Variants in PEBP4 observed in about 807,000 individuals in gnomAD.
PEBP4 encodes the protein phosphatidylethanolamine binding protein 4, also known as phosphatidylethanolamine-binding protein 4.
A neutral mutation model predicts 23.9 loss-of-function variants in PEBP4; 22 were observed. The ratio of observed to expected loss-of-function variants is 0.92; its 90% CI spans 0.66 to 1.31. PEBP4 has a LOEUF of 1.31. Among genes scored for constraint, PEBP4 ranks in the 40% most tolerant of loss-of-function variants. The pLI is 0.00. For synonymous variants in PEBP4, 112 were observed against 99.3 expected (o/e 1.13, Z -0.76); for missense variants, 324 against 281.7 (o/e 1.15, Z -1.07).
intron 3 of PEBP4, among the ~76,000 whole-genome samples, chr8:22,860,031 C>G (rs1316776823): frequency 6.7e-6 from 1 of 149,436 alleles, no homozygotes; most frequent in African/African-American, 2.5e-5. Flanking sequence ...GTGAGAGGAC[C>G]TCTTGAGCCC....
At chr8:22,726,673 C>G (rs911096457) in intron 5 of PEBP4, among the ~76,000 whole-genome samples, 2 of 152,258 alleles carry the variant, frequency 1.3e-5, no homozygotes, top group African/African-American at 4.8e-5. Flanking sequence ...TAAAGCCAGG[C>G]CAACAGTGAG....
chr8:22,834,392 C>T (rs1368531315), intron 3 of PEBP4, among the ~76,000 whole-genome samples: 1 of 151,804 alleles, frequency 6.6e-6, no homozygotes, highest in Non-Finnish European at 1.5e-5. Flanking sequence ...GAATTTCAGG[C>T]TGGTGTCCAG....
chr8:22,873,347 G>A (rs564051618), intron 3 of PEBP4, among the ~76,000 whole-genome samples: 1 of 152,274 alleles, frequency 6.6e-6, no homozygotes, highest in Admixed American at 6.5e-5. Context: ...TAACCATGCT[G>A]GCCAGGCACA....
At chr8:22,873,214 G>A (rs1056918753) in intron 3 of PEBP4, among the ~76,000 whole-genome samples, 8 of 152,142 alleles carry the variant, frequency 5.3e-5, no homozygotes, top group South Asian at 2.1e-4. Flanking sequence ...TAGAGTCTTA[G>A]TTATATATTT....
intron 3 of PEBP4, among the ~76,000 whole-genome samples, chr8:22,882,458 G>A (rs1397603017): frequency 6.6e-6 from 1 of 152,186 alleles, no homozygotes; most frequent in Non-Finnish European, 1.5e-5. Flanking sequence ...GGGTGGTGTG[G>A]AGAATGTACC....
intron 3 of PEBP4, among the ~76,000 whole-genome samples, chr8:22,861,282 C>T (rs374706217): frequency 6.6e-6 from 1 of 152,310 alleles, no homozygotes; most frequent in Admixed American, 6.5e-5. Context: ...CCTATTACAG[C>T]TAATAATAAT....
intron 3 of PEBP4, among the ~76,000 whole-genome samples, chr8:22,867,820 G>A (rs1461702376): frequency 2.0e-5 from 3 of 152,190 alleles, no homozygotes; most frequent in East Asian, 1.9e-4. Context: ...GTGAAAACTC[G>A]GCTCTTGCTT....
At position 22,817,705 on chromosome 8, in the gene PEBP4, G is replaced by C. The variant is rs201199105; in HGVS notation, c.289C>G (p.Pro97Ala). ...GATYILVMVD[P>A]DAPSRAEPRQ... is the part of the protein sequence containing the mutation. ...GGTTCTGCTCTGCTAGGGGCATCTGGATCCACCATCACCAGGATATAGGTT... is the reference window on the plus strand; with the variant it reads ...GGTTCTGCTCTGCTAGGGGCATCTGCATCCACCATCACCAGGATATAGGTT... Residue 97 changes from proline (P) to alanine (A), a missense_variant, in exon 4 of 7, where the codon CCA becomes GCA. Coordinates refer to ENST00000256404, the MANE Select transcript of PEBP4 (RefSeq NM_144962.3). The C allele has an allele frequency of 6.2e-7, 1 of 1,614,174 alleles. No individual in the cohort carries two copies. The highest frequency in any genetic ancestry group is 1.3e-5 in the African/African-American group (1 of 75,040).
intron 4 of PEBP4, among the ~76,000 whole-genome samples, chr8:22,765,945 C>T (rs577223429): frequency 2.7e-5 from 4 of 150,122 alleles, no homozygotes; most frequent in African/African-American, 9.7e-5. Context: ...CATGGATCAC[C>T]ACCTGTGGAT....
intron 6 of PEBP4, among the ~76,000 whole-genome samples, chr8:22,715,059 G>A (rs1273055703): frequency 1.3e-5 from 2 of 152,244 alleles, no homozygotes; most frequent in African/African-American, 4.8e-5. Flanking sequence ...ACAAGCTGGG[G>A]TACTGGCAAG....
rs1270708301 is a variant in PEBP4 at position 22,775,485 on chromosome 8, G to T, written c.357+42152C>A. On this transcript the variant is annotated intron_variant, in intron 4 of 6. Coordinates refer to ENST00000256404, the MANE Select transcript of PEBP4 (RefSeq NM_144962.3). This position sits in a 1 kb window ranked among gnomAD's most constrained non-coding sequence, Gnocchi z 4.8. ...GGGTGGTGTTCACGTATGGAGGGGG[G>T]GGATTTCTTTTTAAGAGACAAGGTG... Among the ~76,000 whole-genome samples the T allele has an allele frequency of 1.3e-5, 2 of 152,178 alleles. No individual in the cohort carries two copies. Among genetic ancestry groups the T allele is most frequent in the African/African-American group, 2.4e-5 (1 of 41,436 alleles).
rs570013762 is a variant in PEBP4 at position 22,916,803 on chromosome 8, T to C, written c.258+3381A>G. On this transcript the variant is annotated intron_variant, in intron 3 of 6. Transcript: ENST00000256404. ...CAACACATAGTCTTTCTCTCCTAAC[T>C]TACAAAGTGCTTGAAGCTTTGAGAG... 2.0e-5 allele frequency among the ~76,000 whole-genome samples: 3 copies of C among 152,242 alleles called. No homozygotes were observed. The South Asian group carries it at 6.2e-4, about 32-fold the overall frequency.
chr8:22,862,543 A>G (rs1452909090), intron 3 of PEBP4, among the ~76,000 whole-genome samples: 1 of 152,118 alleles, frequency 6.6e-6, no homozygotes, highest in Non-Finnish European at 1.5e-5. Context: ...CATAACAAGG[A>G]TAGGATAGAG....
At chr8:22,783,511 A>G (rs1035933612) in intron 4 of PEBP4, among the ~76,000 whole-genome samples, 1 of 152,196 alleles carries the variant, frequency 6.6e-6, no homozygotes, top group Non-Finnish European at 1.5e-5. Context: ...GGCGGTGGCC[A>G]GGTGCTCAGT....
chr8:22,811,486 T>G (rs1259654943), intron 4 of PEBP4, among the ~76,000 whole-genome samples: 1 of 152,074 alleles, frequency 6.6e-6, no homozygotes, highest in Non-Finnish European at 1.5e-5. Flanking sequence ...GACAGCAGAG[T>G]GGGACTGTGA....
chr8:22,839,597 G>A (rs2128765398), intron 3 of PEBP4, among the ~76,000 whole-genome samples: 2 of 152,334 alleles, frequency 1.3e-5, no homozygotes, highest in South Asian at 4.1e-4. Context: ...AAGGGATGAT[G>A]AAGACTTGGT....
At chr8:22,882,633 T>C (rs1253003603) in intron 3 of PEBP4, among the ~76,000 whole-genome samples, 2 of 152,204 alleles carry the variant, frequency 1.3e-5, no homozygotes, top group African/African-American at 4.8e-5. Context: ...TATTCTGTAA[T>C]TTTTGTGCTT....
intron 3 of PEBP4, among the ~76,000 whole-genome samples, chr8:22,909,818 C>T (rs193149092): frequency 6.6e-6 from 1 of 152,324 alleles, no homozygotes; most frequent in Admixed American, 6.5e-5. Context: ...TGCTGGGTGG[C>T]TGCAAGGCTT....
At chr8:22,717,361 C>T (rs1585233651) in intron 6 of PEBP4, among the ~76,000 whole-genome samples, 3 of 152,334 alleles carry the variant, frequency 2.0e-5, no homozygotes, top group African/African-American at 7.2e-5. Context: ...GACTTCCCAA[C>T]AGCCGAGGAC....
Sources: gnomAD v4.1 joint callset for allele counts (sites outside exome capture counted in the v4.1 genomes callset) on GRCh38, gnomAD v4.1.1 for gene constraint, Gnocchi (gnomAD v3.1) non-coding constraint, MANE v1.5 for transcripts, NCBI Gene and HGNC (gene_info 2026-07-23, HGNC 2026-07-21) for gene names.